The following EIF2B3 variants were observed in gnomAD, a reference collection of about 807,000 sequenced individuals.
EIF2B3 encodes translation initiation factor eIF2B subunit gamma.
EIF2B3 carries 20 observed loss-of-function variants against 54.1 expected under a neutral mutation model. The observed-to-expected ratio is 0.37, with a 90% CI of 0.26 to 0.54. The LOEUF (loss-of-function observed/expected upper bound fraction) is 0.54. Among genes scored for constraint, EIF2B3 ranks in the 20% least tolerant of loss-of-function variants. The pLI, the probability that EIF2B3 is intolerant of heterozygous loss-of-function variation, is 0.86. For missense variants in EIF2B3, 448 were observed against 547.8 expected (o/e 0.82, Z 1.82); for synonymous variants, 153 against 188.1 (o/e 0.81, Z 1.52).
chr1:44,968,919 T>G (rs1192751160), intron 3 of EIF2B3, among the ~76,000 whole-genome samples: 3 of 151,996 alleles, frequency 2.0e-5, no homozygotes, highest in African/African-American at 4.8e-5. Flanking sequence ...AAAGATACAT[T>G]TAATATACTC....
At chr1:44,852,600 T>C (rs1654308641) in intron 11 of EIF2B3, among the ~76,000 whole-genome samples, 1 of 151,798 alleles carries the variant, frequency 6.6e-6, no homozygotes, top group African/African-American at 2.4e-5. Flanking sequence ...GCCAACATGA[T>C]GGAACCCCAT....
intron 3 of EIF2B3, among the ~76,000 whole-genome samples, chr1:44,968,783 G>C (rs1346529664): frequency 6.6e-6 from 1 of 151,878 alleles, no homozygotes; most frequent in Non-Finnish European, 1.5e-5. Context: ...TGTAATCCCA[G>C]CTACTTGGAA....
At chr1:44,922,591 CAAAAAAA>C (rs58626731) in intron 5 of EIF2B3, among the ~76,000 whole-genome samples, 2 of 87,540 alleles carry the variant, frequency 2.3e-5, no homozygotes, top group African/African-American at 8.2e-5. Flanking sequence ...TGTCTCAAGA[CAAAAAAA>C]AAAAAAAAAA....
intron 10 of EIF2B3, among the ~76,000 whole-genome samples, chr1:44,860,141 C>T (rs997650753): frequency 6.6e-6 from 1 of 151,692 alleles, no homozygotes; most frequent in Admixed American, 6.6e-5. Flanking sequence ...CCGCTCCTGG[C>T]CACAAATCTA....
Position 44,881,727 on chromosome 1 carries a change from A to G in EIF2B3, c.669T>C (p.Ser223=), listed in dbSNP as rs774859488. ...DFLMENGSIT[S]IRSELIPYLV... is the part of the protein sequence containing the mutation. ...AATATGGAATCAGTTCACTCCGGAT[A>G]GAAGTTATTGACCTAGAAAGAAAGA... Residue 223 remains serine, a synonymous_variant, in exon 7 of 12, where the codon TCT becomes TCC. Transcript: ENST00000360403. This position sits in a 1 kb window ranked among gnomAD's most constrained non-coding sequence, Gnocchi z 4.0. 6 of 1,614,044 alleles carry G rather than the reference A, an allele frequency of 3.7e-6. No individual in the cohort carries two copies. In the Admixed American group the frequency reaches 1.0e-4, roughly 27 times the overall value.
At chr1:44,941,981 A>G (rs1644029238) in intron 3 of EIF2B3, among the ~76,000 whole-genome samples, 1 of 152,132 alleles carries the variant, frequency 6.6e-6, no homozygotes, top group African/African-American at 2.4e-5. Context: ...GGAATATATG[A>G]TCTTATATTT....
In EIF2B3 at chr1:44,899,988, A is replaced by C. The variant is rs263968; in HGVS notation, c.567-2544T>G. Among the ~76,000 whole-genome samples the C allele has an allele frequency of 6.7e-3, 1,020 of 152,340 alleles. 12 individuals carry two copies. The highest frequency in any genetic ancestry group is 0.023 in the African/African-American group (969 of 41,574). On this transcript the variant is annotated intron_variant, in intron 5 of 11. Coordinates refer to ENST00000360403, the MANE Select transcript of EIF2B3 (RefSeq NM_020365.5). The stretch of plus-strand genomic sequence containing the variant: ...AAATGTAGTGCAATATATATCATGA[A>C]ATACTATGCAGCTATAAAAAAGAAC...
Position 44,889,536 on chromosome 1 carries a change from TA to T in EIF2B3, c.657-7798del, listed in dbSNP as rs796722248. Among the ~76,000 whole-genome samples the T allele has an allele frequency of 6.9e-4, 100 of 144,340 alleles. 1 individual carries two copies. In the East Asian group the frequency reaches 7.0e-3, roughly 10 times the overall value. 94.7% of individuals were successfully genotyped at this position (144,340 alleles called of 152,430 possible). The stretch of plus-strand genomic sequence containing the variant: ...TGGGTGACAGAGCGAGGATCCATCT[TA>T]AAAAAAAAAAAATTAAGCTGACTTT... On this transcript the variant is annotated intron_variant, in intron 6 of 11. Coordinates refer to ENST00000360403, the MANE Select transcript of EIF2B3 (RefSeq NM_020365.5).
chr1:44,875,803 C>T lies in EIF2B3; in HGVS notation c.976-108G>A, dbSNP rs892243098. 6 of 886,932 alleles carry T rather than the reference C, an allele frequency of 6.8e-6. No individual in the cohort carries two copies. The East Asian group carries it at 1.3e-4, about 19-fold the overall frequency. 54.9% of individuals were successfully genotyped at this position (886,932 alleles called of 1,614,324 possible). A position where few individuals can be genotyped will look rare whatever the true frequency, so the allele number is the denominator to read the frequency against. Reference sequence around the variant, plus strand: ...TCCCCCTCCCCACGGTCTCCCTCTCCCTCTCTTTCCACGGTCTCCCTCTGA... The same window carrying T: ...TCCCCCTCCCCACGGTCTCCCTCTCTCTCTCTTTCCACGGTCTCCCTCTGA... On this transcript the variant is annotated intron_variant, in intron 8 of 11. Coordinates refer to ENST00000360403, the MANE Select transcript of EIF2B3 (RefSeq NM_020365.5).
At chr1:44,852,920 G>A (rs951340774) in intron 11 of EIF2B3, among the ~76,000 whole-genome samples, 1 of 152,164 alleles carries the variant, frequency 6.6e-6, no homozygotes, top group Non-Finnish European at 1.5e-5. Context: ...ATAGGATATG[G>A]TCATATAACT....
chr1:44,940,888 C>T (rs72676559), intron 4 of EIF2B3: 22,614 of 150,808 alleles, frequency 0.15, 1,808 homozygotes, highest in Non-Finnish European at 0.17. Context: ...AACTTTAATT[C>T]CTTTTCTCCC....
rs749560824 is a variant in EIF2B3, at chr1:44,941,612, C to T, written c.348G>A (p.Glu116=). 5 of 1,614,144 alleles carry T rather than the reference C, an allele frequency of 3.1e-6. No individual in the cohort carries two copies. In the East Asian group the frequency reaches 1.1e-4, roughly 36 times the overall value. ...CATAAGCTCTAAACAGGTCCACAAC[C>T]TCATGTAAGGCAACGTCTGTTATCA... is the stretch of plus-strand genomic sequence containing the variant. ...CDLITDVALH[E]VVDLFRAYDA... The change falls in exon 4 of 12, where the codon GAG becomes GAA. Residue 116 remains glutamate, a synonymous_variant. Transcript: ENST00000360403.
Position 44,867,172 on chromosome 1 carries a change from AGAT to A in EIF2B3, c.1202+7503_1202+7505del, listed in dbSNP as rs762103774. 3.7e-4 allele frequency among the ~76,000 whole-genome samples: 56 copies of A among 152,286 alleles called. 2 individuals carry two copies. Among genetic ancestry groups the A allele is most frequent in the Admixed American group, 7.8e-4 (12 of 15,298 alleles). ...GGCTTTCTAGCCTGTCAGCATGTGA[AGAT>A]GCTACTCTAGACTGCTGCTTGGGTC... On this transcript the variant is annotated intron_variant, in intron 10 of 11. Transcript: ENST00000360403.
intron 3 of EIF2B3, among the ~76,000 whole-genome samples, chr1:44,954,381 A>G (rs1644200899): frequency 6.6e-6 from 1 of 152,150 alleles, no homozygotes; most frequent in Non-Finnish European, 1.5e-5. Flanking sequence ...ATGTTTTTCC[A>G]TTTGTTTGTG....
intron 10 of EIF2B3, among the ~76,000 whole-genome samples, chr1:44,873,197 TTAG>T (rs571728822): frequency 2.6e-5 from 4 of 152,276 alleles, no homozygotes; most frequent in Admixed American, 2.6e-4. Context: ...CCAACTGATA[TTAG>T]TAGTTTAAAG....
chr1:44,981,203 C>T (rs751900267), intron 1 of EIF2B3, 26 bp from the exon 2 acceptor site: 32 of 1,612,318 alleles, frequency 2.0e-5, no homozygotes, highest in Non-Finnish European at 1.1e-5. Context: ...AAACAATTAA[C>T]AGAAAAAAAA....
At chr1:44,851,719 C>T (rs1441248359) in intron 11 of EIF2B3, among the ~76,000 whole-genome samples, 1 of 151,954 alleles carries the variant, frequency 6.6e-6, no homozygotes, top group African/African-American at 2.4e-5. Flanking sequence ...AAAGGATAAA[C>T]GGAGATAAGA....
intron 3 of EIF2B3, among the ~76,000 whole-genome samples, chr1:44,954,741 C>G (rs548625095): frequency 6.6e-6 from 1 of 152,188 alleles, no homozygotes; most frequent in East Asian, 1.9e-4. Flanking sequence ...ATTGCCCTGA[C>G]CAGAACTTCC....
chr1:44,891,260 A>G (rs1019345317), intron 6 of EIF2B3, among the ~76,000 whole-genome samples: 3 of 151,666 alleles, frequency 2.0e-5, no homozygotes, highest in African/African-American at 7.3e-5. Flanking sequence ...CCACCATGCT[A>G]ATTTTTTTAT....
Sources: gnomAD v4.1 joint callset for allele counts (sites outside exome capture counted in the v4.1 genomes callset) on GRCh38, gnomAD v4.1.1 for gene constraint, Gnocchi (gnomAD v3.1) non-coding constraint, MANE v1.5 for transcripts, NCBI Gene and HGNC (gene_info 2026-07-23, HGNC 2026-07-21) for gene names.